Variants in ARHGAP15 observed in about 807,000 individuals in gnomAD.
The protein encoded by ARHGAP15 is rho GTPase-activating protein 15.
Under a neutral mutation model 63.7 loss-of-function variants are expected in ARHGAP15, and 51 were observed. The ratio of observed to expected loss-of-function variants is 0.80; its 90% CI spans 0.64 to 1.01. The LOEUF (loss-of-function observed/expected upper bound fraction) is 1.01. Ranked by LOEUF, ARHGAP15 falls within the 50% of genes least tolerant of loss-of-function variation. The probability of loss-of-function intolerance (pLI) is 0.00; values close to 1 mark genes in which losing one functional copy is unlikely to be tolerated. For synonymous variants in ARHGAP15, 191 were observed against 193.8 expected, an observed-to-expected ratio of 0.99 and a Z score of 0.12; for missense variants, 560 against 564.6, an observed-to-expected ratio of 0.99 and a Z score of 0.08.
chr2:143,350,597 A>T (rs1685515012), intron 6 of ARHGAP15, among the ~76,000 whole-genome samples: 2 of 151,110 alleles, frequency 1.3e-5, no homozygotes, highest in Admixed American at 1.3e-4. Flanking sequence ...AGGGGGGTGG[A>T]TCACGAGGTC....
intron 13 of ARHGAP15, chr2:143,741,110 C>T (rs1198640618): frequency 2.6e-5 from 4 of 152,162 alleles, no homozygotes; most frequent in African/African-American, 9.7e-5. Context: ...CAGTAGTGGT[C>T]CCTTGGCAAA....
intron 6 of ARHGAP15, among the ~76,000 whole-genome samples, chr2:143,409,076 CTT>C (rs1688333321): frequency 6.6e-6 from 1 of 151,946 alleles, no homozygotes; most frequent in African/African-American, 2.4e-5. Context: ...ATCTCTGACA[CTT>C]TTTATTTTTT....
At chr2:143,518,521 G>T (rs758580756) in intron 9 of ARHGAP15, among the ~76,000 whole-genome samples, 60 of 152,310 alleles carry the variant, frequency 3.9e-4, no homozygotes, top group Middle Eastern at 3.4e-3. Flanking sequence ...CATATCATGG[G>T]CTTTAAAAAT....
chr2:143,346,356 C>G (rs1685301363), intron 6 of ARHGAP15, among the ~76,000 whole-genome samples: 1 of 151,930 alleles, frequency 6.6e-6, no homozygotes. Context: ...AATTTTTTCC[C>G]TACTGGTCTT....
rs749650767 is a variant in ARHGAP15 at position 143,552,054 on chromosome 2, G to C, written c.926-4354G>C. 8.5e-5 allele frequency among the ~76,000 whole-genome samples: 13 copies of C among 152,150 alleles called. No homozygotes were observed. In the East Asian group the frequency reaches 2.5e-3, roughly 29 times the overall value. ...AGTGTTCCCGTGCTCAAAGATTTTC[G>C]CCGGAGGGAGAAGCCAGAAGTTCAA... On this transcript the variant is annotated intron_variant, in intron 10 of 13. Transcript: ENST00000295095.
At chr2:143,218,782 C>T (rs1692871938) in intron 4 of ARHGAP15, among the ~76,000 whole-genome samples, 1 of 152,042 alleles carries the variant, frequency 6.6e-6, no homozygotes, top group South Asian at 2.1e-4. Context: ...TGTGATATAG[C>T]CTATTGCTCC....
intron 8 of ARHGAP15, 46 bp from the exon 9 acceptor site, chr2:143,487,327 T>C (rs1559003951): frequency 1.9e-6 from 3 of 1,579,382 alleles, no homozygotes; most frequent in Non-Finnish European, 2.6e-6. Context: ...GTAATAATCA[T>C]AAAGGAGAAA....
chr2:143,728,989 T>C (rs1230226964), intron 13 of ARHGAP15, among the ~76,000 whole-genome samples: 2 of 152,232 alleles, frequency 1.3e-5, no homozygotes, highest in African/African-American at 2.4e-5. Flanking sequence ...TGGTCTCAGT[T>C]ACGCAGACTT....
chr2:143,316,209 T>C (rs1303049735), intron 6 of ARHGAP15, among the ~76,000 whole-genome samples: 1 of 152,106 alleles, frequency 6.6e-6, no homozygotes, highest in Admixed American at 6.6e-5. Context: ...AGGTAGGAAA[T>C]CACCAACCAA....
chr2:143,188,583 T>C (rs1396064767), intron 2 of ARHGAP15, among the ~76,000 whole-genome samples: 1 of 149,790 alleles, frequency 6.7e-6, no homozygotes, highest in Non-Finnish European at 1.5e-5. Context: ...TGTTCCTATG[T>C]TCCTGTGTTC....
At chr2:143,556,047 G>A (rs888051480) in intron 10 of ARHGAP15, among the ~76,000 whole-genome samples, 2 of 151,946 alleles carry the variant, frequency 1.3e-5, no homozygotes, top group Admixed American at 6.6e-5. Flanking sequence ...CAAATGTCTC[G>A]AGTTATTTTA....
intron 5 of ARHGAP15, among the ~76,000 whole-genome samples, chr2:143,249,169 G>T (rs373914264): frequency 2.4e-4 from 36 of 152,128 alleles, no homozygotes; most frequent in African/African-American, 8.7e-4. Context: ...ATTTTGATGG[G>T]TTTCTCCTGA....
chr2:143,335,057 A>G (rs369127265), intron 6 of ARHGAP15, among the ~76,000 whole-genome samples: 1 of 152,222 alleles, frequency 6.6e-6, no homozygotes, highest in East Asian at 1.9e-4. Context: ...GTTGAGCATA[A>G]CAAAGATAAA....
intron 11 of ARHGAP15, among the ~76,000 whole-genome samples, chr2:143,614,386 T>C (rs539547211): frequency 1.3e-5 from 2 of 152,208 alleles, no homozygotes; most frequent in Non-Finnish European, 2.9e-5. Context: ...CCCCAGCAGC[T>C]ATAACATGCC....
intron 2 of ARHGAP15, among the ~76,000 whole-genome samples, chr2:143,195,724 GA>G (rs1691863974): frequency 1.3e-5 from 2 of 152,142 alleles, no homozygotes; most frequent in Admixed American, 1.3e-4. Context: ...ACATGTCTGT[GA>G]AAATGTTGGA....
chr2:143,602,544 C>T (rs1268366552), intron 11 of ARHGAP15, among the ~76,000 whole-genome samples: 1 of 151,946 alleles, frequency 6.6e-6, no homozygotes, highest in East Asian at 1.9e-4. Context: ...GTACTTGCTC[C>T]TAAATCAGCC....
intron 11 of ARHGAP15, among the ~76,000 whole-genome samples, chr2:143,623,741 G>A (rs1296633738): frequency 6.6e-6 from 1 of 152,238 alleles, no homozygotes; most frequent in Non-Finnish European, 1.5e-5. Flanking sequence ...GCTCAGCAAG[G>A]CCTTTAGGCC....
At chr2:143,524,884 T>G (rs1202051007) in intron 10 of ARHGAP15, among the ~76,000 whole-genome samples, 1 of 152,220 alleles carries the variant, frequency 6.6e-6, no homozygotes, top group African/African-American at 2.4e-5. Context: ...GACATGTTAA[T>G]ACAGCTATTG....
intron 8 of ARHGAP15, among the ~76,000 whole-genome samples, chr2:143,446,960 C>T (rs947064819): frequency 6.6e-6 from 1 of 152,080 alleles, no homozygotes; most frequent in African/African-American, 2.4e-5. Flanking sequence ...ACATGAACTC[C>T]TCATTTTTAT....
Sources: allele counts gnomAD v4.1 joint callset (sites outside exome capture counted in the v4.1 genomes callset), GRCh38; gene constraint gnomAD v4.1.1; transcripts MANE v1.5; gene names NCBI Gene and HGNC (gene_info 2026-07-23, HGNC 2026-07-21).